The following EXT1 variants were observed in gnomAD, a reference collection of about 807,000 sequenced individuals.
EXT1 encodes exostosin glycosyltransferase 1.
Under a neutral mutation model 82.5 loss-of-function variants are expected in EXT1, and 20 were observed. The observed-to-expected ratio is 0.24, with a 90% CI of 0.17 to 0.35. EXT1 has a LOEUF of 0.35. Ranked by LOEUF, EXT1 falls within the 10% of genes least tolerant of loss-of-function variation. The pLI is 1.00. For missense variants in EXT1, 757 were observed against 936.5 expected (o/e 0.81, Z 2.50); for synonymous variants, 348 against 350.8 (o/e 0.99, Z 0.09).
At chr8:118,033,849 T>C (rs1217200033) in intron 1 of EXT1, among the ~76,000 whole-genome samples, 1 of 152,240 alleles carries the variant, frequency 6.6e-6, no homozygotes, top group Admixed American at 6.5e-5. Context: ...GTTTCTATCA[T>C]TCTACATATC....
intron 1 of EXT1, among the ~76,000 whole-genome samples, chr8:117,843,085 T>C (rs191636180): frequency 1.3e-5 from 2 of 152,270 alleles, no homozygotes; most frequent in African/African-American, 4.8e-5. Flanking sequence ...ATACACAAGT[T>C]TGAATAATAT....
At chr8:118,099,176 G>T (rs1022697582) in intron 1 of EXT1, among the ~76,000 whole-genome samples, 1 of 152,230 alleles carries the variant, frequency 6.6e-6, no homozygotes, top group Non-Finnish European at 1.5e-5. Context: ...GGCAGTAGGT[G>T]TTGGACTTGG....
chr8:118,028,118 C>T (rs1816235510), intron 1 of EXT1, among the ~76,000 whole-genome samples: 1 of 152,170 alleles, frequency 6.6e-6, no homozygotes, highest in South Asian at 2.1e-4. Flanking sequence ...CCCCTAAAGG[C>T]CCTTGTGTTG....
intron 1 of EXT1, among the ~76,000 whole-genome samples, chr8:117,990,128 G>T (rs902041504): frequency 6.6e-6 from 1 of 152,018 alleles, no homozygotes; most frequent in Non-Finnish European, 1.5e-5. Flanking sequence ...AGCAGAGATT[G>T]CACCACTGCA....
chr8:117,884,014 G>A (rs1813106478), intron 1 of EXT1, among the ~76,000 whole-genome samples: 1 of 152,108 alleles, frequency 6.6e-6, no homozygotes, highest in Non-Finnish European at 1.5e-5. Context: ...AGAGTCGGAG[G>A]GAGGAAGGAA....
At chr8:118,088,707 TTTG>T (rs1817472012) in intron 1 of EXT1, among the ~76,000 whole-genome samples, 1 of 152,070 alleles carries the variant, frequency 6.6e-6, no homozygotes, top group Non-Finnish European at 1.5e-5. Context: ...TTCCTCTGCT[TTTG>T]TTTTCTTGTT....
chr8:117,795,977 G>T lies in EXT1; in HGVS notation c.*3735C>A, dbSNP rs909415298. 6.6e-6 allele frequency: 1 copy of T among 152,090 alleles called. No individual in the cohort carries two copies. The highest frequency in any genetic ancestry group is 1.5e-5 in the Non-Finnish European group (1 of 68,022). 9.4% of individuals were successfully genotyped at this position (152,090 alleles called of 1,614,324 possible). ...TGAGAAAATGAGGCTGATAGTGAAA[G>T]AAATTTCTTGGTTAAATCTGGCCAA... On this transcript the variant is annotated 3_prime_UTR_variant, in exon 11 of 11. Transcript: ENST00000378204.
chr8:118,001,123 C>A (rs1815656206), intron 1 of EXT1, among the ~76,000 whole-genome samples: 1 of 152,140 alleles, frequency 6.6e-6, no homozygotes, highest in Non-Finnish European at 1.5e-5. Flanking sequence ...CTCTTCAGTA[C>A]CAGTAGAATA....
intron 1 of EXT1, among the ~76,000 whole-genome samples, chr8:118,026,356 G>A (rs1816202103): frequency 1.3e-5 from 2 of 152,134 alleles, no homozygotes; most frequent in African/African-American, 4.8e-5. Context: ...TTTGTGGCAT[G>A]CTGTTGCTTG....
intron 1 of EXT1, among the ~76,000 whole-genome samples, chr8:118,070,334 T>A (rs1230801076): frequency 6.7e-6 from 1 of 149,258 alleles, no homozygotes; most frequent in Non-Finnish European, 1.5e-5. Flanking sequence ...ATACAGTTAT[T>A]TAAAAAAAAT....
intron 1 of EXT1, among the ~76,000 whole-genome samples, chr8:117,933,114 C>T (rs192116217): frequency 2.0e-4 from 31 of 152,264 alleles, no homozygotes; most frequent in Admixed American, 5.2e-4. Flanking sequence ...ACTCACTTTT[C>T]GCCTCCAAAG....
At chr8:117,939,031 T>C (rs943162852) in intron 1 of EXT1, among the ~76,000 whole-genome samples, 5 of 152,096 alleles carry the variant, frequency 3.3e-5, no homozygotes, top group African/African-American at 4.8e-5. Context: ...CCCCTCCTTT[T>C]ATTTTTCAAG....
At chr8:117,870,190 A>G (rs1016737918) in intron 1 of EXT1, among the ~76,000 whole-genome samples, 1 of 152,232 alleles carries the variant, frequency 6.6e-6, no homozygotes, top group Non-Finnish European at 1.5e-5. Flanking sequence ...CTTAACACAT[A>G]AACAAAACTA....
At chr8:118,109,755 AT>A (rs1483773861) in intron 1 of EXT1, among the ~76,000 whole-genome samples, 2 of 152,130 alleles carry the variant, frequency 1.3e-5, no homozygotes, top group Non-Finnish European at 2.9e-5. Context: ...TCCAGTACCC[AT>A]GCCTGAAATG....
chr8:117,996,541 A>G (rs947321770), intron 1 of EXT1, among the ~76,000 whole-genome samples: 2 of 152,170 alleles, frequency 1.3e-5, no homozygotes, highest in African/African-American at 2.4e-5. Context: ...GACCCTATAC[A>G]TCGTGGAACA....
At chr8:118,026,012 C>T (rs1816195394) in intron 1 of EXT1, among the ~76,000 whole-genome samples, 2 of 152,168 alleles carry the variant, frequency 1.3e-5, no homozygotes, top group Non-Finnish European at 2.9e-5. Context: ...CTGCCACACT[C>T]TGGATGGGAA....
At chr8:117,978,354 G>A (rs1815111703) in intron 1 of EXT1, among the ~76,000 whole-genome samples, 2 of 152,148 alleles carry the variant, frequency 1.3e-5, no homozygotes. Flanking sequence ...TTACAAAATA[G>A]AAACTGAGTA....
At chr8:117,814,048 A>G (rs1811741675) in intron 7 of EXT1, among the ~76,000 whole-genome samples, 1 of 151,476 alleles carries the variant, frequency 6.6e-6, no homozygotes, top group South Asian at 2.1e-4. Flanking sequence ...AAGAAGAAGG[A>G]GGAGAAGGAG....
At chr8:117,915,107 T>C (rs1217688452) in intron 1 of EXT1, among the ~76,000 whole-genome samples, 1 of 152,148 alleles carries the variant, frequency 6.6e-6, no homozygotes, top group Non-Finnish European at 1.5e-5. Context: ...AGCTGTAAAA[T>C]TCCTCTCTTT....
Sources: gnomAD v4.1 joint callset for allele counts (sites outside exome capture counted in the v4.1 genomes callset) on GRCh38, gnomAD v4.1.1 for gene constraint, MANE v1.5 for transcripts, NCBI Gene and HGNC (gene_info 2026-07-23, HGNC 2026-07-21) for gene names.